FANCA: variants seen among roughly 807,000 people sequenced by gnomAD.
The protein encoded by FANCA is FA complementation group A.
Under a neutral mutation model 194.3 loss-of-function variants are expected in FANCA, and 236 were observed. The ratio of observed to expected loss-of-function variants is 1.21; its 90% CI spans 1.09 to 1.35. The LOEUF is 1.35. FANCA is among the 40% of genes most tolerant of loss of function. The probability of loss-of-function intolerance (pLI) is 0.00; values close to 1 mark genes in which losing one functional copy is unlikely to be tolerated. For synonymous variants in FANCA, 1,014 were observed against 715.8 expected (o/e 1.42, Z -6.65); for missense variants, 2,628 against 1,813.9 (o/e 1.45, Z -8.15).
chr16:89,795,021 A>T (rs2040195788), intron 11 of FANCA, among the ~76,000 whole-genome samples: 1 of 152,212 alleles, frequency 6.6e-6, no homozygotes, highest in African/African-American at 2.4e-5. Flanking sequence ...ACAGCGGCAC[A>T]CGCCTGTAAT....
intron 8 of FANCA, among the ~76,000 whole-genome samples, chr16:89,801,738 A>C (rs1209815857): frequency 6.6e-6 from 1 of 151,876 alleles, no homozygotes; most frequent in Admixed American, 6.6e-5. Flanking sequence ...AAATACAAAA[A>C]TTAGCTGGGC....
Position 89,791,763 on chromosome 16 carries a change from G to C in FANCA, c.1225+164C>G, listed in dbSNP as rs1159905781. 6.9e-6 allele frequency: 7 copies of C among 1,017,246 alleles called. No individual in the cohort carries two copies. The East Asian group carries it at 1.3e-4, about 19-fold the overall frequency. The allele number at this position is 1,017,246 out of a possible 1,614,324, so 63.0% of individuals were successfully genotyped here. A position where few individuals can be genotyped will look rare whatever the true frequency, so the allele number is the denominator to read the frequency against. On this transcript the variant is annotated intron_variant, in intron 13 of 42. Transcript: ENST00000389301. Reference sequence around the variant, plus strand: ...TCTCAGAGCAGCAGTCAGTGCTTATGGAAGCGTCTGACAAAGAATGTTCCA... The same window carrying C: ...TCTCAGAGCAGCAGTCAGTGCTTATCGAAGCGTCTGACAAAGAATGTTCCA...
At chr16:89,762,569 GAAAAAAA>G (rs59550802) in intron 28 of FANCA, 4 of 173,932 alleles carry the variant, frequency 2.3e-5, no homozygotes, top group Non-Finnish European at 3.6e-5. Context: ...CTATAAAAAG[GAAAAAAA>G]AAAAAAAGAA....
chr16:89,773,405 C>T (rs1344417236), intron 21 of FANCA, 21 bp from the exon 22 acceptor site: 2 of 1,511,884 alleles, frequency 1.3e-6, no homozygotes, highest in Non-Finnish European at 1.8e-6. Context: ...AAGGAAGAAA[C>T]CAGATGGAAA....
chr16:89,798,525 C>G, intron 10 of FANCA: 6 of 1,106,334 alleles, frequency 5.4e-6, no homozygotes, highest in Non-Finnish European at 6.6e-6. Context: ...ACTGGTTTCT[C>G]AAGACTTCAC....
intron 8 of FANCA, among the ~76,000 whole-genome samples, chr16:89,802,003 C>T (rs2040472831): frequency 1.3e-5 from 2 of 152,212 alleles, no homozygotes; most frequent in Non-Finnish European, 1.5e-5. Context: ...CATCTGTACT[C>T]CTACATTTAT....
At chr16:89,746,141 G>C (rs900642463) in intron 35 of FANCA, among the ~76,000 whole-genome samples, 1 of 152,128 alleles carries the variant, frequency 6.6e-6, no homozygotes, top group Non-Finnish European at 1.5e-5. Context: ...GAGCTCTGGC[G>C]GGAGCTGAGG....
chr16:89,783,248 C>T lies in FANCA; in HGVS notation c.1471-146G>A, dbSNP rs959564570. On this transcript the variant is annotated intron_variant, in intron 15 of 42. Coordinates refer to ENST00000389301, the MANE Select transcript of FANCA (RefSeq NM_000135.4). ...AGACTTATGAGTATGCAAAGCAAAC[C>T]ATTAGTAAAATTAAAACACAAGCCG... 1.3e-5 allele frequency: 9 copies of T among 713,928 alleles called. No homozygotes were observed. In the East Asian group the frequency reaches 1.6e-4, roughly 13 times the overall value. 44.2% of individuals were successfully genotyped at this position (713,928 alleles called of 1,614,324 possible). A position where few individuals can be genotyped will look rare whatever the true frequency, so the allele number is the denominator to read the frequency against.
chr16:89,767,714 A>G (rs2039178893), intron 26 of FANCA, among the ~76,000 whole-genome samples: 1 of 152,050 alleles, frequency 6.6e-6, no homozygotes, highest in African/African-American at 2.4e-5. Context: ...ATGCCCAGCT[A>G]ATTTTTTGTA....
rs762275511 is a variant in FANCA, at chr16:89,738,877, G to A, written c.4260+5C>T. On this transcript the variant is annotated splice_donor_5th_base_variant and intron_variant, in intron 42 of 42. Transcript: ENST00000389301. ...CATGGCCCAAGGTGGGCATCTTGACGTTACCTCTGCCACGTGTGAGAAGCT... is the reference window on the plus strand; with the variant it reads ...CATGGCCCAAGGTGGGCATCTTGACATTACCTCTGCCACGTGTGAGAAGCT... 77 of 1,614,138 alleles carry A rather than the reference G, an allele frequency of 4.8e-5. No homozygotes were observed. The highest frequency in any genetic ancestry group is 8.9e-5 in the East Asian group (4 of 44,902).
intron 3 of FANCA, among the ~76,000 whole-genome samples, chr16:89,811,489 A>G (rs1219902389): frequency 6.6e-6 from 1 of 152,180 alleles, no homozygotes; most frequent in Non-Finnish European, 1.5e-5. Flanking sequence ...GATGGTTGTG[A>G]TAAAATTAGG....
At chr16:89,793,712 C>T (rs1481018259) in intron 11 of FANCA, among the ~76,000 whole-genome samples, 2 of 152,098 alleles carry the variant, frequency 1.3e-5, no homozygotes, top group African/African-American at 4.8e-5. Flanking sequence ...TCCCAAGTAG[C>T]TGCGACCACA....
rs372857989 is a variant in FANCA at position 89,815,968 on chromosome 16, T to C, written c.98A>G (p.Glu33Gly). Residue 33 changes from glutamate to glycine, a missense_variant, in exon 2 of 43, where the codon GAA becomes GGA. Transcript: ENST00000389301. ...AELLAGRVKR[E>G]KYNPERAQKL... is the part of the protein sequence containing the mutation. ...CTGTGCCCTTTCAGGATTATATTTT[T>C]CCCTCTTGACCCTTCCCGCTACGGA... The C allele has an allele frequency of 6.2e-7, 1 of 1,613,756 alleles. No individual in the cohort carries two copies. The highest frequency in any genetic ancestry group is 1.3e-5 in the African/African-American group (1 of 74,922).
intron 20 of FANCA, among the ~76,000 whole-genome samples, chr16:89,777,316 A>C (rs973374874): frequency 6.6e-6 from 1 of 152,218 alleles, no homozygotes; most frequent in Non-Finnish European, 1.5e-5. Flanking sequence ...CAGGAGGTCA[A>C]GGCTGTAGTA....
At chr16:89,746,769 A>T in intron 34 of FANCA, 62 bp downstream of exon 34, 1 of 1,592,352 alleles carries the variant, frequency 6.3e-7, no homozygotes, top group Non-Finnish European at 8.6e-7. Flanking sequence ...CAGGAAGCTG[A>T]CAGGAGGATC....
Position 89,771,650 on chromosome 16 carries a change from C to G in FANCA, c.2151+28G>C, listed in dbSNP as rs759991370. 6.8e-6 allele frequency: 11 copies of G among 1,613,506 alleles called. No individual in the cohort carries two copies. The South Asian group carries it at 1.2e-4, about 18-fold the overall frequency. On this transcript the variant is annotated intron_variant, in intron 23 of 42. Transcript: ENST00000389301. ...CCTAATGGAAAATGGTGAAGACCCCCTGCTTTGTTCTGAGCCCCTACACCT... is the reference window on the plus strand; with the variant it reads ...CCTAATGGAAAATGGTGAAGACCCCGTGCTTTGTTCTGAGCCCCTACACCT...
chr16:89,748,599 C>G (rs1023729154), intron 33 of FANCA, 60 bp downstream of exon 33: 6 of 1,300,346 alleles, frequency 4.6e-6, no homozygotes, highest in Non-Finnish European at 6.7e-6. Context: ...GCTGCAAGAG[C>G]TGCTGTTAGC....
chr16:89,792,713 G>GCCC, intron 11 of FANCA, 166 bp from the exon 12 acceptor site: 1 of 615,724 alleles, frequency 1.6e-6, no homozygotes. Flanking sequence ...AGACAGCTGG[G>GCCC]CCCGGGGGAC....
chr16:89,746,466 G>C, intron 35 of FANCA, 118 bp downstream of exon 35: 1 of 817,432 alleles, frequency 1.2e-6, no homozygotes, highest in Non-Finnish European at 2.1e-6. Flanking sequence ...GTCTCCTGAT[G>C]CATTTTCCCT....
Sources: gnomAD v4.1 joint callset for allele counts (sites outside exome capture counted in the v4.1 genomes callset) on GRCh38, gnomAD v4.1.1 for gene constraint, MANE v1.5 for transcripts, NCBI Gene and HGNC (gene_info 2026-07-23, HGNC 2026-07-21) for gene names.